The following DNAJC1 variants were observed in gnomAD, a reference collection of about 807,000 sequenced individuals.
The protein encoded by DNAJC1 is DnaJ heat shock protein family (Hsp40) member C1.
A neutral mutation model predicts 76.6 loss-of-function variants in DNAJC1; 58 were observed. The observed-to-expected ratio is 0.76, with a 90% CI of 0.61 to 0.94. The LOEUF is 0.94. Ranked by LOEUF, DNAJC1 falls within the 40% of genes least tolerant of loss-of-function variation. DNAJC1 has a pLI of 0.00. For missense variants in DNAJC1, 689 were observed against 677.3 expected, an observed-to-expected ratio of 1.02 and a Z score of -0.19; for synonymous variants, 258 against 267.9, an observed-to-expected ratio of 0.96 and a Z score of 0.36.
intron 1 of DNAJC1, among the ~76,000 whole-genome samples, chr10:21,955,064 A>G (rs1229142124): frequency 6.6e-6 from 1 of 152,160 alleles, no homozygotes; most frequent in Non-Finnish European, 1.5e-5. Flanking sequence ...TGCCAGTAGC[A>G]TTACCCACTC....
intron 8 of DNAJC1, among the ~76,000 whole-genome samples, chr10:21,837,944 GC>G (rs1835496765): frequency 7.0e-6 from 1 of 143,590 alleles, no homozygotes; most frequent in African/African-American, 2.6e-5. Flanking sequence ...CCGGCCAGCC[GC>G]CCCGGCCGGG....
intron 1 of DNAJC1, among the ~76,000 whole-genome samples, chr10:21,984,497 T>C (rs1039097399): frequency 6.6e-6 from 1 of 152,168 alleles, no homozygotes; most frequent in South Asian, 2.1e-4. Context: ...TGTGTCACCC[T>C]TTAAGAGCTT....
chr10:21,995,680 A>T (rs535468054), intron 1 of DNAJC1, among the ~76,000 whole-genome samples: 19 of 152,338 alleles, frequency 1.2e-4, no homozygotes, highest in African/African-American at 4.3e-4. Flanking sequence ...AATGAAGTAT[A>T]CTGTTTTATA....
chr10:21,845,125 G>A (rs528296448), intron 8 of DNAJC1, among the ~76,000 whole-genome samples: 18 of 152,196 alleles, frequency 1.2e-4, no homozygotes, highest in South Asian at 2.1e-4. Context: ...AGCTATAACC[G>A]TAAAAGCCTT....
intron 8 of DNAJC1, among the ~76,000 whole-genome samples, chr10:21,837,145 G>A (rs763319361): frequency 5.9e-5 from 9 of 152,192 alleles, no homozygotes; most frequent in African/African-American, 9.7e-5. Flanking sequence ...GCTCCTAACC[G>A]CGAGTGATCT....
intron 8 of DNAJC1, among the ~76,000 whole-genome samples, chr10:21,828,336 A>C (rs1835297473): frequency 6.6e-6 from 1 of 152,250 alleles, no homozygotes; most frequent in African/African-American, 2.4e-5. Flanking sequence ...AACTTTCCTA[A>C]TGTCTAATAG....
intron 9 of DNAJC1, among the ~76,000 whole-genome samples, chr10:21,778,595 C>T (rs1056843283): frequency 2.0e-5 from 3 of 151,820 alleles, no homozygotes; most frequent in Admixed American, 1.3e-4. Flanking sequence ...ACTGTACTTA[C>T]AAGAAAAAAA....
At chr10:21,886,313 G>A (rs1390485678) in intron 7 of DNAJC1, among the ~76,000 whole-genome samples, 1 of 151,922 alleles carries the variant, frequency 6.6e-6, no homozygotes, top group Non-Finnish European at 1.5e-5. Flanking sequence ...GACCAATAAT[G>A]AGCTCCAAAA....
At chr10:21,855,399 T>C (rs1244417834) in intron 8 of DNAJC1, among the ~76,000 whole-genome samples, 6 of 152,222 alleles carry the variant, frequency 3.9e-5, no homozygotes, top group Non-Finnish European at 7.3e-5. Flanking sequence ...TTTACTTATG[T>C]GATAAATATC....
At chr10:21,839,842 A>G (rs1835542651) in intron 8 of DNAJC1, among the ~76,000 whole-genome samples, 1 of 152,228 alleles carries the variant, frequency 6.6e-6, no homozygotes, top group Admixed American at 6.5e-5. Flanking sequence ...CATCGATGCA[A>G]AAATCCTCAG....
rs200113432 is a variant in DNAJC1 at position 21,801,156 on chromosome 10, G to A, written c.1098+4824C>T. Among the ~76,000 whole-genome samples the A allele has an allele frequency of 2.0e-4, 31 of 152,146 alleles. No homozygotes were observed. The East Asian group carries it at 3.1e-3, about 15-fold the overall frequency. ...AGTATATTTAAATGTTTTGAAAAGC[G>A]TAAAATACTACAAAAATGAATAATG... On this transcript the variant is annotated intron_variant, in intron 9 of 11. Transcript: ENST00000376980.
chr10:22,002,315 T>C (rs1838531334), intron 1 of DNAJC1, among the ~76,000 whole-genome samples: 1 of 152,190 alleles, frequency 6.6e-6, no homozygotes, highest in South Asian at 2.1e-4. Context: ...AAGCCTGAAA[T>C]CAGCGAAATG....
At chr10:21,801,353 ACATACATGCAGC>A (rs1199479886) in intron 9 of DNAJC1, among the ~76,000 whole-genome samples, 1 of 152,196 alleles carries the variant, frequency 6.6e-6, no homozygotes, top group Non-Finnish European at 1.5e-5. Flanking sequence ...TCAAAAGAAG[ACATACATGCAGC>A]CAACAAGGAT....
At chr10:21,974,171 T>G (rs1838027475) in intron 1 of DNAJC1, among the ~76,000 whole-genome samples, 1 of 151,194 alleles carries the variant, frequency 6.6e-6, no homozygotes, top group South Asian at 2.1e-4. Context: ...ACCAACCAGA[T>G]AGGTCTTAAC....
intron 8 of DNAJC1, among the ~76,000 whole-genome samples, chr10:21,878,521 C>CT (rs555505266): frequency 4.1e-4 from 62 of 152,170 alleles, no homozygotes; most frequent in African/African-American, 1.3e-3. Flanking sequence ...TAAGTTTTAA[C>CT]TTTTTATGAT....
intron 8 of DNAJC1, among the ~76,000 whole-genome samples, chr10:21,829,588 G>A (rs1422955255): frequency 6.6e-6 from 1 of 151,944 alleles, no homozygotes; most frequent in Admixed American, 6.6e-5. Context: ...CTGACCTCAG[G>A]TGATCCACCT....
intron 8 of DNAJC1, among the ~76,000 whole-genome samples, chr10:21,839,576 C>A (rs575428991): frequency 1.3e-5 from 2 of 152,178 alleles, no homozygotes; most frequent in East Asian, 3.9e-4. Context: ...CTGAATAGAC[C>A]AATAACAGGC....
At chr10:21,813,212 C>A (rs1378588583) in intron 8 of DNAJC1, among the ~76,000 whole-genome samples, 1,244 of 51,540 alleles carry the variant, frequency 0.024, 24 homozygotes, top group African/African-American at 0.036. Flanking sequence ...CTCTCTCTCT[C>A]TCTCTCTCTA....
At chr10:21,795,039 A>G (rs1298913384) in intron 9 of DNAJC1, among the ~76,000 whole-genome samples, 2 of 152,140 alleles carry the variant, frequency 1.3e-5, no homozygotes, top group African/African-American at 4.8e-5. Context: ...TGGAATTTTG[A>G]GCATTTCAAA....
Sources: gnomAD v4.1 joint callset for allele counts (sites outside exome capture counted in the v4.1 genomes callset) on GRCh38, gnomAD v4.1.1 for gene constraint, MANE v1.5 for transcripts, NCBI Gene and HGNC (gene_info 2026-07-23, HGNC 2026-07-21) for gene names.